Variants in BAIAP2L2 observed in about 807,000 individuals in gnomAD.
BAIAP2L2 encodes BAR/IMD domain-containing adapter protein 2-like 2.
Under a neutral mutation model 60.4 loss-of-function variants are expected in BAIAP2L2, and 65 were observed. The ratio of observed to expected loss-of-function variants is 1.08; its 90% confidence interval spans 0.88 to 1.32. The LOEUF (loss-of-function observed/expected upper bound fraction) is 1.32, where lower values mean the gene tolerates loss of function less well. BAIAP2L2 is among the 40% of genes most tolerant of loss of function. The pLI is 0.00. For missense variants in BAIAP2L2, 836 were observed against 741.2 expected (o/e 1.13, Z -1.48); for synonymous variants, 344 against 301.7 (o/e 1.14, Z -1.45).
At chr22:38,110,117 GAGGGAGAGAGAGAGAGAGAGA>G (rs2086795982) in intron 1 of BAIAP2L2, among the ~76,000 whole-genome samples, 1 of 22,706 alleles carries the variant, frequency 4.4e-5, no homozygotes, top group African/African-American at 1.9e-4. Context: ...GGGAGAGAGA[GAGGGAGAGAGAGAGAGAGAGA>G]GAGAGAGAGA....
rs899838570 is a variant in BAIAP2L2 at position 38,103,888 on chromosome 22, A to T, written c.276+3964T>A. Among the ~76,000 whole-genome samples the T allele has an allele frequency of 2.7e-5, 4 of 150,506 alleles. No homozygotes were observed. The East Asian group carries it at 7.8e-4, about 29-fold the overall frequency. On this transcript the variant is annotated intron_variant, in intron 4 of 13. Transcript: ENST00000381669. Reference sequence around the variant, plus strand: ...AAAAAAAAAAAAAAAAGAAGCTTCCACTGGCCAAAAATAGGACATTTTCAA... The same window carrying T: ...AAAAAAAAAAAAAAAAGAAGCTTCCTCTGGCCAAAAATAGGACATTTTCAA...
intron 7 of BAIAP2L2, among the ~76,000 whole-genome samples, chr22:38,094,274 C>G (rs1569223176): frequency 6.6e-6 from 1 of 152,158 alleles, no homozygotes; most frequent in Non-Finnish European, 1.5e-5. Flanking sequence ...CAACCTCCAC[C>G]TCCTGGGTTC....
rs1465564484 is a variant in BAIAP2L2, at chr22:38,085,016, A to C, written c.*284T>G. On this transcript the variant is annotated 3_prime_UTR_variant, in exon 14 of 14. Transcript: ENST00000381669. ...CCACGGGGGCAGAAAAGGGGGAAAG[A>C]GGTTAGGGGGCAAGAGGTGGGCCCC... is the stretch of plus-strand genomic sequence containing the variant. 17 of 389,962 alleles carry C rather than the reference A, an allele frequency of 4.4e-5. 1 individual carries two copies. In the Admixed American group the frequency reaches 5.2e-4, roughly 12 times the overall value. The allele number at this position is 389,962 out of a possible 1,614,324, so 24.2% of individuals were successfully genotyped here. A position where few individuals can be genotyped will look rare whatever the true frequency, so the allele number is the denominator to read the frequency against.
Position 38,089,251 on chromosome 22 carries a change from G to A in BAIAP2L2, c.766-20C>T, listed in dbSNP as rs2086208073. ...CGGGGGCTGCGGGGGAGATGGGCAGGGGAGGGTGGGGCGGGGGGGGGGGGG... is the reference window on the plus strand; with the variant it reads ...CGGGGGCTGCGGGGGAGATGGGCAGAGGAGGGTGGGGCGGGGGGGGGGGGG... On this transcript the variant is annotated intron_variant, in intron 8 of 13. Coordinates refer to ENST00000381669, the MANE Select transcript of BAIAP2L2 (RefSeq NM_025045.6). 1 of 230,618 alleles carries A rather than the reference G, an allele frequency of 4.3e-6. No individual in the cohort carries two copies. The highest frequency in any genetic ancestry group is 7.7e-6 in the Non-Finnish European group (1 of 130,208). The allele number at this position is 230,618 out of a possible 1,614,324, so 14.3% of individuals were successfully genotyped here.
chr22:38,085,652 T>C, intron 13 of BAIAP2L2, 34 bp downstream of exon 13: 2 of 1,608,078 alleles, frequency 1.2e-6, no homozygotes, highest in Non-Finnish European at 1.7e-6. Flanking sequence ...CCTGCCACCC[T>C]CCTCACTGTT....
Position 38,086,286 on chromosome 22 carries a change from G to T in BAIAP2L2, c.1423C>A (p.Arg475Ser). ...GCTGTGCTGCCCATGCTGCTGCGGCGGCTGCTGGGCAAGGGTGGAGGTGCA... is the reference window on the plus strand; with the variant it reads ...GCTGTGCTGCCCATGCTGCTGCGGCTGCTGCTGGGCAAGGGTGGAGGTGCA... ...SPAPPPLPSS[R>S]RSSMGSTAVA... Residue 475 changes from arginine (R) to serine (S), a missense_variant, in exon 12 of 14, where the codon CGC (arginine) becomes AGC (serine). By Grantham distance (110) the Arg-to-Ser change is moderately radical (BLOSUM62 -1). Coordinates refer to ENST00000381669, the MANE Select transcript of BAIAP2L2 (RefSeq NM_025045.6). 1.3e-6 allele frequency: 2 copies of T among 1,590,034 alleles called. No individual in the cohort carries two copies. The highest frequency in any genetic ancestry group is 1.7e-6 in the Non-Finnish European group (2 of 1,164,690).
chr22:38,087,347 G>T, intron 10 of BAIAP2L2, 83 bp from the exon 11 acceptor site: 1 of 1,497,492 alleles, frequency 6.7e-7, no homozygotes, highest in Non-Finnish European at 9.0e-7. Context: ...TCCCCTCAGG[G>T]TCACTGGAAG....
chr22:38,103,925 G>A (rs6001003), intron 4 of BAIAP2L2, among the ~76,000 whole-genome samples: 68,012 of 150,860 alleles, frequency 0.45, 16,241 homozygotes, highest in South Asian at 0.65. Flanking sequence ...TTCAGTAAAC[G>A]TAATAATTGC....
chr22:38,096,797 G>T (rs757869719), intron 7 of BAIAP2L2, among the ~76,000 whole-genome samples: 33 of 152,328 alleles, frequency 2.2e-4, no homozygotes, highest in Admixed American at 2.6e-4. Context: ...ATGAATTCGT[G>T]AATGCATTAA....
intron 2 of BAIAP2L2, 123 bp downstream of exon 2, chr22:38,109,009 TG>T: frequency 7.9e-6 from 6 of 762,014 alleles, no homozygotes; most frequent in Non-Finnish European, 1.2e-5. Flanking sequence ...GTGAGGGTGG[TG>T]GGTAGGAGGG....
chr22:38,109,268 C>T (rs185435918), intron 1 of BAIAP2L2, 60 bp from the exon 2 acceptor site: 105 of 1,379,830 alleles, frequency 7.6e-5, no homozygotes, highest in Middle Eastern at 1.8e-4. Flanking sequence ...GAAGGAACCA[C>T]GGATGGAGTC....
chr22:38,108,924 C>T (rs1310052035), intron 2 of BAIAP2L2, among the ~76,000 whole-genome samples: 3 of 151,606 alleles, frequency 2.0e-5, no homozygotes, highest in African/African-American at 7.3e-5. Flanking sequence ...ATGAGGGGTG[C>T]TGGGTGTGGA....
intron 4 of BAIAP2L2, among the ~76,000 whole-genome samples, chr22:38,106,274 T>C (rs527946311): frequency 1.2e-3 from 177 of 152,182 alleles, no homozygotes; most frequent in Middle Eastern, 3.4e-3. Context: ...ATCCCAGCAC[T>C]TTGGGAGGCC....
At chr22:38,100,685 A>G (rs2086548881) in intron 4 of BAIAP2L2, among the ~76,000 whole-genome samples, 1 of 152,168 alleles carries the variant, frequency 6.6e-6, no homozygotes, top group Non-Finnish European at 1.5e-5. Flanking sequence ...ATGAGAAGCT[A>G]AGTAGATGTT....
chr22:38,102,758 G>A (rs188406050), intron 4 of BAIAP2L2, among the ~76,000 whole-genome samples: 78 of 152,154 alleles, frequency 5.1e-4, no homozygotes, highest in African/African-American at 1.6e-3. Flanking sequence ...ATCCAGGCAC[G>A]GCCGGGTGCG....
Position 38,097,139 on chromosome 22 carries a change from C to G in BAIAP2L2, c.505G>C (p.Val169Leu). The part of the protein sequence containing the change: ...NRLHAQMQAF[V>L]SESQRAAELE... ...TCAGCCGCCCGCTGACTCTCAGACACGAAGGCCTGCATCTGTGCGTGCAGC... is the reference window on the plus strand; with the variant it reads ...TCAGCCGCCCGCTGACTCTCAGACAGGAAGGCCTGCATCTGTGCGTGCAGC... The change falls in exon 7 of 14, where the codon GTG becomes CTG. Residue 169 changes from valine to leucine, a missense_variant. Coordinates refer to ENST00000381669, the MANE Select transcript of BAIAP2L2 (RefSeq NM_025045.6). 1 of 1,613,938 alleles carries G rather than the reference C, an allele frequency of 6.2e-7. No homozygotes were observed. Among genetic ancestry groups the G allele is most frequent in the Non-Finnish European group, 8.5e-7 (1 of 1,180,032 alleles).
Position 38,096,516 on chromosome 22 carries a change from G to A in BAIAP2L2, c.612+516C>T, listed in dbSNP as rs560479178. 5.3e-5 allele frequency among the ~76,000 whole-genome samples: 8 copies of A among 152,128 alleles called. 1 individual carries two copies. Among genetic ancestry groups the A allele is most frequent in the East Asian group, 1.9e-4 (1 of 5,192 alleles). ...CTAAAAATACAAAAATTAGCCGGGC[G>A]TGATAGCACATGCCTGTAGTCCCAG... On this transcript the variant is annotated intron_variant, in intron 7 of 13. Transcript: ENST00000381669.
chr22:38,086,470 G>A (rs2086077516), intron 11 of BAIAP2L2, 21 bp from the exon 12 acceptor site: 3 of 1,472,356 alleles, frequency 2.0e-6, no homozygotes, highest in South Asian at 2.7e-5. Flanking sequence ...AGAAAGGAGG[G>A]GGAAGGAAAG....
intron 7 of BAIAP2L2, 78 bp from the exon 8 acceptor site, chr22:38,089,752 ACCTGAGAGCTCAG>A: frequency 5.9e-6 from 7 of 1,191,422 alleles, no homozygotes; most frequent in Non-Finnish European, 7.3e-6. Context: ...GACACCCTCG[ACCTGAGAGCTCAG>A]GCCCTACCAG....
Sources: gnomAD v4.1 joint callset for allele counts (sites outside exome capture counted in the v4.1 genomes callset) on GRCh38, gnomAD v4.1.1 for gene constraint, MANE v1.5 for transcripts, NCBI Gene and HGNC (gene_info 2026-07-23, HGNC 2026-07-21) for gene names.